The following CSMD1 variants were observed in gnomAD, a reference collection of about 807,000 sequenced individuals.
CSMD1 encodes CUB and sushi domain-containing protein 1.
A neutral mutation model predicts 417.5 loss-of-function variants in CSMD1; 213 were observed. That is an observed-to-expected ratio of 0.51 (90% CI 0.46 to 0.57). The LOEUF (loss-of-function observed/expected upper bound fraction) is 0.57, where lower values mean the gene tolerates loss of function less well. Among genes scored for constraint, CSMD1 ranks in the 20% least tolerant of loss-of-function variants. The pLI, the probability that CSMD1 is intolerant of heterozygous loss-of-function variation, is 0.00. For missense variants in CSMD1, 6,923 were observed against 4,529.7 expected (o/e 1.53, Z -15.17); for synonymous variants, 2,862 against 1,736.8 (o/e 1.65, Z -16.11).
chr8:3,779,666 A>T (rs1039448654), intron 5 of CSMD1, among the ~76,000 whole-genome samples: 1 of 152,224 alleles, frequency 6.6e-6, no homozygotes, highest in Non-Finnish European at 1.5e-5. Flanking sequence ...CAATGATATG[A>T]CATTTAAAAT....
At chr8:3,262,829 C>G (rs188415846) in intron 26 of CSMD1, among the ~76,000 whole-genome samples, 5 of 152,194 alleles carry the variant, frequency 3.3e-5, no homozygotes, top group South Asian at 2.1e-4. Flanking sequence ...TAAATGAATT[C>G]TACAATCTAC....
intron 3 of CSMD1, among the ~76,000 whole-genome samples, chr8:4,257,872 T>C (rs1803574908): frequency 1.3e-5 from 2 of 152,232 alleles, no homozygotes; most frequent in Non-Finnish European, 2.9e-5. Flanking sequence ...GCGTACTGAT[T>C]ATTCTGTTGC....
intron 3 of CSMD1, among the ~76,000 whole-genome samples, chr8:4,233,551 C>G (rs889918392): frequency 2.6e-5 from 4 of 152,152 alleles, no homozygotes; most frequent in African/African-American, 9.7e-5. Flanking sequence ...ACACCTTCCA[C>G]TGTCTGAGGA....
At chr8:4,779,690 C>A (rs1797051141) in intron 1 of CSMD1, among the ~76,000 whole-genome samples, 2 of 152,134 alleles carry the variant, frequency 1.3e-5, no homozygotes, top group African/African-American at 4.8e-5. Flanking sequence ...CATTTCATCA[C>A]TGAAAAATCC....
chr8:4,525,571 G>C (rs80137987), intron 2 of CSMD1, among the ~76,000 whole-genome samples: 1 of 152,136 alleles, frequency 6.6e-6, no homozygotes, highest in Non-Finnish European at 1.5e-5. Flanking sequence ...TTGCACATAA[G>C]AAATTGTAAT....
chr8:3,374,266 C>A (rs1023650604), intron 18 of CSMD1, among the ~76,000 whole-genome samples: 2 of 151,998 alleles, frequency 1.3e-5, no homozygotes, highest in African/African-American at 4.8e-5. Flanking sequence ...ACCCATCCAC[C>A]CGTTTTTCAA....
chr8:4,678,846 G>C lies in CSMD1; in HGVS notation c.86-41288C>G, dbSNP rs1391192774. On this transcript the variant is annotated intron_variant, in intron 1 of 69. Transcript: ENST00000635120. Reference sequence around the variant, plus strand: ...GGTTTTTGCTATCAATGTTTCCTCAGTCACTGCCCAGTAACTGAAATTCTG... The same window carrying C: ...GGTTTTTGCTATCAATGTTTCCTCACTCACTGCCCAGTAACTGAAATTCTG... Among the ~76,000 whole-genome samples, 3 of 152,144 alleles carry C rather than the reference G, an allele frequency of 2.0e-5. No individual in the cohort carries two copies. In the East Asian group the frequency reaches 5.8e-4, roughly 29 times the overall value.
At chr8:4,992,367 C>A (rs1234764136) in intron 1 of CSMD1, among the ~76,000 whole-genome samples, 1 of 152,182 alleles carries the variant, frequency 6.6e-6, no homozygotes, top group Non-Finnish European at 1.5e-5. Flanking sequence ...CTGCTAATTG[C>A]GGGGGAAGGC....
Position 4,464,453 on chromosome 8 carries a change from G to C in CSMD1, c.303-44388C>G, listed in dbSNP as rs185396761. 2.9e-3 allele frequency among the ~76,000 whole-genome samples: 442 copies of C among 152,216 alleles called. 5 individuals carry two copies. Among genetic ancestry groups the C allele is most frequent in the African/African-American group, 9.8e-3 (408 of 41,530 alleles). On this transcript the variant is annotated intron_variant, in intron 2 of 69. Coordinates refer to ENST00000635120, the MANE Select transcript of CSMD1 (RefSeq NM_033225.6). Reference sequence around the variant, plus strand: ...AAACACACTCAGAACACGCACATTAGCCTACAGCTGGGAAAACCACCTAAG... The same window carrying C: ...AAACACACTCAGAACACGCACATTACCCTACAGCTGGGAAAACCACCTAAG...
intron 41 of CSMD1, among the ~76,000 whole-genome samples, chr8:3,136,249 T>C (rs574324018): frequency 1.3e-5 from 2 of 151,440 alleles, no homozygotes; most frequent in East Asian, 2.0e-4. Context: ...AAGCCTTTTT[T>C]TTTTCTTTTT....
intron 41 of CSMD1, among the ~76,000 whole-genome samples, chr8:3,131,815 G>C (rs1817808707): frequency 6.6e-6 from 1 of 152,038 alleles, no homozygotes; most frequent in African/African-American, 2.4e-5. Context: ...TAAAATGTAA[G>C]GAAATGCTAA....
intron 12 of CSMD1, among the ~76,000 whole-genome samples, chr8:3,467,078 T>G (rs1028525772): frequency 1.3e-5 from 2 of 152,218 alleles, no homozygotes; most frequent in Non-Finnish European, 2.9e-5. Context: ...GGGTGGCTAC[T>G]GAGACTCTTA....
At chr8:4,537,997 G>A (rs971618721) in intron 2 of CSMD1, among the ~76,000 whole-genome samples, 2 of 152,088 alleles carry the variant, frequency 1.3e-5, no homozygotes, top group African/African-American at 4.8e-5. Context: ...ACCATGCTCT[G>A]CGTCATGGTT....
In CSMD1 at chr8:4,030,890, G is replaced by C. The variant is rs933208938; in HGVS notation, c.610+1015C>G. ...AGATACCCCAAATCATCTCTCTCAA[G>C]TTCAAAGTTCCACAACTCTCTAGGG... On this transcript the variant is annotated intron_variant, in intron 4 of 69. Transcript: ENST00000635120. 3.9e-5 allele frequency among the ~76,000 whole-genome samples: 6 copies of C among 152,212 alleles called. No homozygotes were observed. In the East Asian group the frequency reaches 9.7e-4, roughly 25 times the overall value.
At chr8:3,306,561 C>T (rs74364048) in intron 25 of CSMD1, among the ~76,000 whole-genome samples, 8,588 of 152,178 alleles carry the variant, frequency 0.056, 774 homozygotes, top group African/African-American at 0.19. Flanking sequence ...GGTATAATAG[C>T]ATGATGGAGT....
intron 2 of CSMD1, among the ~76,000 whole-genome samples, chr8:4,424,313 G>C (rs140212266): frequency 0.011 from 1,663 of 151,968 alleles, 44 homozygotes; most frequent in African/African-American, 0.037. Flanking sequence ...CAAGTATCTA[G>C]AATATACCAT....
intron 5 of CSMD1, among the ~76,000 whole-genome samples, chr8:3,768,131 G>A (rs1172701318): frequency 6.6e-6 from 1 of 150,842 alleles, no homozygotes; most frequent in East Asian, 1.9e-4. Context: ...TTCAAAGATA[G>A]CAGAGAGGGG....
At chr8:3,234,235 T>C (rs776768632) in intron 26 of CSMD1, among the ~76,000 whole-genome samples, 1 of 152,156 alleles carries the variant, frequency 6.6e-6, no homozygotes, top group Non-Finnish European at 1.5e-5. Flanking sequence ...CGGGATTCCT[T>C]ATTTTGTTGC....
At chr8:4,831,851 T>C (rs564827561) in intron 1 of CSMD1, among the ~76,000 whole-genome samples, 21 of 151,784 alleles carry the variant, frequency 1.4e-4, no homozygotes, top group Admixed American at 1.3e-3. Flanking sequence ...GCACAGTGTG[T>C]GCCACATCCA....
Sources: gnomAD v4.1 joint callset for allele counts (sites outside exome capture counted in the v4.1 genomes callset) on GRCh38, gnomAD v4.1.1 for gene constraint, MANE v1.5 for transcripts, NCBI Gene and HGNC (gene_info 2026-07-23, HGNC 2026-07-21) for gene names.